CDKL4: variants seen among roughly 807,000 people sequenced by gnomAD.
CDKL4 encodes cyclin-dependent kinase-like 4.
In CDKL4, 44 loss-of-function variants were observed where a neutral mutation model predicts 42.0. The observed-to-expected ratio is 1.05, with a 90% confidence interval of 0.82 to 1.35. The LOEUF (loss-of-function observed/expected upper bound fraction) is 1.35. CDKL4 is among the 40% of genes most tolerant of loss of function. The probability of loss-of-function intolerance (pLI) is 0.00; values close to 1 mark genes in which losing one functional copy is unlikely to be tolerated. For missense variants in CDKL4, 393 were observed against 369.9 expected (o/e 1.06, Z -0.51); for synonymous variants, 120 against 121.6 (o/e 0.99, Z 0.09).
At chr2:39,226,593 G>A (rs774823880) in intron 2 of CDKL4, among the ~76,000 whole-genome samples, 1 of 151,258 alleles carries the variant, frequency 6.6e-6, no homozygotes, top group Non-Finnish European at 1.5e-5. Context: ...GACAGCCTCT[G>A]TTTAATATCG....
At chr2:39,236,236 G>A (rs573568954) in intron 1 of CDKL4, among the ~76,000 whole-genome samples, 19 of 149,808 alleles carry the variant, frequency 1.3e-4, no homozygotes, top group African/African-American at 4.4e-4. Context: ...GAAAGAATCA[G>A]TAAAATAGAC....
At chr2:39,183,943 C>T (rs1196600726) in intron 8 of CDKL4, among the ~76,000 whole-genome samples, 3 of 152,194 alleles carry the variant, frequency 2.0e-5, no homozygotes, top group Non-Finnish European at 2.9e-5. Flanking sequence ...AATGGCCCCA[C>T]CGTCTAGATC....
At chr2:39,177,978 C>T (rs189760899) in intron 9 of CDKL4, among the ~76,000 whole-genome samples, 2 of 152,340 alleles carry the variant, frequency 1.3e-5, no homozygotes, top group African/African-American at 4.8e-5. Flanking sequence ...TGTGAGCCAC[C>T]GCGCCAGCTG....
chr2:39,199,702 C>T (rs755785326), intron 5 of CDKL4, among the ~76,000 whole-genome samples: 7 of 151,954 alleles, frequency 4.6e-5, no homozygotes, highest in Non-Finnish European at 7.4e-5. Flanking sequence ...TCAATAAATG[C>T]GATACACCAC....
chr2:39,238,251 T>A (rs1359890740), intron 1 of CDKL4, among the ~76,000 whole-genome samples: 1 of 152,138 alleles, frequency 6.6e-6, no homozygotes, highest in Admixed American at 6.5e-5. Context: ...GTCAACATAG[T>A]GAGACCCTAT....
intron 8 of CDKL4, among the ~76,000 whole-genome samples, chr2:39,184,175 T>G (rs1030652162): frequency 5.3e-5 from 8 of 152,240 alleles, no homozygotes; most frequent in Admixed American, 3.9e-4. Context: ...ATACCCTCTC[T>G]GGTATCCTCA....
intron 1 of CDKL4, among the ~76,000 whole-genome samples, chr2:39,230,378 G>A (rs1679026030): frequency 6.6e-6 from 1 of 152,150 alleles, no homozygotes; most frequent in East Asian, 1.9e-4. Context: ...TCCTTTTAGG[G>A]TATTTATTGC....
chr2:39,180,002 A>G (rs999346187), intron 8 of CDKL4, among the ~76,000 whole-genome samples: 3 of 152,248 alleles, frequency 2.0e-5, no homozygotes, highest in East Asian at 1.9e-4. Flanking sequence ...ATCACAGCAG[A>G]GGGGTCAGTG....
chr2:39,237,234 T>C (rs1013554596), intron 1 of CDKL4, among the ~76,000 whole-genome samples: 1 of 152,180 alleles, frequency 6.6e-6, no homozygotes, highest in Non-Finnish European at 1.5e-5. Flanking sequence ...ATCTCAGGAA[T>C]GCAAAGTGGA....
At chr2:39,238,013 C>T (rs923943654) in intron 1 of CDKL4, among the ~76,000 whole-genome samples, 2 of 152,080 alleles carry the variant, frequency 1.3e-5, no homozygotes, top group Non-Finnish European at 2.9e-5. Context: ...AAGTGCAAGA[C>T]CTGCATACTG....
Position 39,182,938 on chromosome 2 carries a change from G to A in CDKL4, c.792+1653C>T, listed in dbSNP as rs998857256. 4.6e-4 allele frequency among the ~76,000 whole-genome samples: 70 copies of A among 152,138 alleles called. 1 individual carries two copies. The highest frequency in any genetic ancestry group is 1.6e-3 in the African/African-American group (68 of 41,432). ...GCAGTCCCTGCATAGGTTATGATTC[G>A]GTCCCATGGGATAAACACCAGTTAT... On this transcript the variant is annotated intron_variant, in intron 8 of 9. Coordinates refer to ENST00000451199, the Ensembl canonical transcript of CDKL4.
At chr2:39,180,590 A>G (rs979728310) in intron 8 of CDKL4, among the ~76,000 whole-genome samples, 1 of 152,034 alleles carries the variant, frequency 6.6e-6, no homozygotes, top group Non-Finnish European at 1.5e-5. Flanking sequence ...ATGACCCCTA[A>G]TTAATGACCC....
chr2:39,179,021 A>G (rs1311183339), intron 9 of CDKL4, 166 bp downstream of exon 9: 10 of 1,469,502 alleles, frequency 6.8e-6, no homozygotes, highest in African/African-American at 2.8e-5. Flanking sequence ...TCATAGTTCT[A>G]TGGTTTTATT....
chr2:39,218,903 G>A (rs1342037822), intron 3 of CDKL4, among the ~76,000 whole-genome samples: 1 of 152,114 alleles, frequency 6.6e-6, no homozygotes, highest in African/African-American at 2.4e-5. Flanking sequence ...TAAATTTCCT[G>A]TTATCAGTAC....
chr2:39,214,602 A>T (rs1015309730), intron 3 of CDKL4, among the ~76,000 whole-genome samples: 15 of 152,242 alleles, frequency 9.9e-5, no homozygotes, highest in Admixed American at 9.8e-4. Flanking sequence ...TCTGAGACCA[A>T]TGGTAGGCAC....
At chr2:39,180,262 G>C (rs1321393677) in intron 8 of CDKL4, among the ~76,000 whole-genome samples, 2 of 152,232 alleles carry the variant, frequency 1.3e-5, no homozygotes, top group East Asian at 3.8e-4. Flanking sequence ...CACAGGCACA[G>C]ACGACCTGAC....
chr2:39,183,280 ATG>A (rs1675547388), intron 8 of CDKL4, among the ~76,000 whole-genome samples: 1 of 127,812 alleles, frequency 7.8e-6, no homozygotes, highest in Admixed American at 9.6e-5. Flanking sequence ...AAAAAAAAAA[ATG>A]TCTCAATTGC....
intron 5 of CDKL4, among the ~76,000 whole-genome samples, chr2:39,199,243 G>A (rs1430843023): frequency 6.6e-6 from 1 of 151,880 alleles, no homozygotes; most frequent in Non-Finnish European, 1.5e-5. Context: ...ACCTAGAGGA[G>A]GATGGATAAA....
chr2:39,238,256 C>A (rs1679470453), intron 1 of CDKL4, among the ~76,000 whole-genome samples: 1 of 152,096 alleles, frequency 6.6e-6, no homozygotes, highest in South Asian at 2.1e-4. Flanking sequence ...CATAGTGAGA[C>A]CCTATCTCTA....
Sources: gnomAD v4.1 joint callset for allele counts (sites outside exome capture counted in the v4.1 genomes callset) on GRCh38, gnomAD v4.1.1 for gene constraint, MANE v1.5 for transcripts, NCBI Gene and HGNC (gene_info 2026-07-23, HGNC 2026-07-21) for gene names.